COG6: variants seen among roughly 807,000 people sequenced by gnomAD.
COG6 encodes the protein component of oligomeric golgi complex 6.
A neutral mutation model predicts 88.8 loss-of-function variants in COG6; 74 were observed. The ratio of observed to expected loss-of-function variants is 0.83; its 90% CI spans 0.69 to 1.01. The LOEUF (loss-of-function observed/expected upper bound fraction) is 1.01. Ranked by LOEUF, COG6 falls within the 50% of genes least tolerant of loss-of-function variation. COG6 has a pLI of 0.00. For missense variants in COG6, 800 were observed against 797.9 expected (o/e 1.00, Z -0.03); for synonymous variants, 286 against 278.7 (o/e 1.03, Z -0.26).
chr13:39,790,179 A>G (rs1881898782), exon 19 of COG6: 2 of 152,218 alleles, frequency 1.3e-5, no homozygotes, highest in South Asian at 4.1e-4. Flanking sequence ...CTGGGTTTGA[A>G]GTTTATCTCC....
chr13:39,771,327 T>G (rs572977876), intron 18 of COG6, among the ~76,000 whole-genome samples: 66 of 152,342 alleles, frequency 4.3e-4, no homozygotes, highest in African/African-American at 1.6e-3. Flanking sequence ...CAAGCACTTC[T>G]TCGTCCATCG....
intron 11 of COG6, among the ~76,000 whole-genome samples, chr13:39,692,899 A>T (rs188215231): frequency 6.6e-6 from 1 of 152,112 alleles, no homozygotes; most frequent in East Asian, 1.9e-4. Flanking sequence ...GCTGCTTTCC[A>T]GCTCTGCTAA....
chr13:39,745,685 C>T (rs1324892813), intron 18 of COG6, among the ~76,000 whole-genome samples: 2 of 152,100 alleles, frequency 1.3e-5, no homozygotes, highest in African/African-American at 4.8e-5. Context: ...TGTGGCAAAT[C>T]CTCAAGGATC....
chr13:39,761,746 G>A (rs1438208140), intron 18 of COG6, among the ~76,000 whole-genome samples: 2 of 150,012 alleles, frequency 1.3e-5, no homozygotes, highest in Admixed American at 1.3e-4. Flanking sequence ...AAAACCAGAC[G>A]CAAGTGGCCA....
At chr13:39,720,458 G>A (rs1313719332) in intron 15 of COG6, among the ~76,000 whole-genome samples, 31 of 152,006 alleles carry the variant, frequency 2.0e-4, no homozygotes, top group Non-Finnish European at 4.6e-4. Flanking sequence ...AACTCTGAAT[G>A]TTCTGTGCTA....
At chr13:39,787,333 G>A (rs1243755031) in intron 18 of COG6, among the ~76,000 whole-genome samples, 1 of 152,118 alleles carries the variant, frequency 6.6e-6, no homozygotes, top group Non-Finnish European at 1.5e-5. Context: ...ACATTTAACT[G>A]CATGCTTTAG....
intron 18 of COG6, among the ~76,000 whole-genome samples, chr13:39,768,692 G>A (rs1020672393): frequency 6.6e-6 from 1 of 151,966 alleles, no homozygotes; most frequent in Admixed American, 6.6e-5. Context: ...TCATAAGAAA[G>A]TTGTAATTAC....
chr13:39,731,947 G>C (rs1278737369), intron 18 of COG6, among the ~76,000 whole-genome samples: 1 of 152,238 alleles, frequency 6.6e-6, no homozygotes, highest in East Asian at 1.9e-4. Flanking sequence ...TGGAGAACCT[G>C]GAATTCTTAT....
chr13:39,667,791 A>G (rs1407113216), intron 4 of COG6, among the ~76,000 whole-genome samples: 1 of 152,152 alleles, frequency 6.6e-6, no homozygotes, highest in Non-Finnish European at 1.5e-5. Context: ...TGTAGGGTTG[A>G]AAAAAACAGA....
intron 5 of COG6, 33 bp from the exon 6 acceptor site, chr13:39,679,505 C>A (rs765802190): frequency 3.9e-5 from 48 of 1,216,382 alleles, no homozygotes; most frequent in Non-Finnish European, 5.6e-5. Context: ...TTGCCTGAAG[C>A]ATGGACATAA....
chr13:39,762,222 T>G (rs1881037793), intron 18 of COG6, among the ~76,000 whole-genome samples: 1 of 151,926 alleles, frequency 6.6e-6, no homozygotes, highest in African/African-American at 2.4e-5. Flanking sequence ...CCAACATGGA[T>G]AACTTGGAGG....
At chr13:39,712,894 A>G (rs1878318743) in intron 13 of COG6, among the ~76,000 whole-genome samples, 1 of 152,230 alleles carries the variant, frequency 6.6e-6, no homozygotes, top group African/African-American at 2.4e-5. Context: ...GTCAGGTTAC[A>G]ACTCTAGTTA....
At chr13:39,682,502 T>A in intron 8 of COG6, 1 of 428,970 alleles carries the variant, frequency 2.3e-6, no homozygotes, top group Non-Finnish European at 4.2e-6. Flanking sequence ...CTAGACTACC[T>A]CTTACTTATA....
chr13:39,703,233 A>C lies in COG6; in HGVS notation c.1284+3615A>C, dbSNP rs111692904. On this transcript the variant is annotated intron_variant, in intron 13 of 18. Coordinates refer to ENST00000455146, the MANE Select transcript of COG6 (RefSeq NM_020751.3). ...TCTACCATACTACCTCCTACTGAAAAAGTGCCAACTCTTGCTAAAACTGGA... is the reference window on the plus strand; with the variant it reads ...TCTACCATACTACCTCCTACTGAAACAGTGCCAACTCTTGCTAAAACTGGA... 8.6e-3 allele frequency among the ~76,000 whole-genome samples: 1,307 copies of C among 152,142 alleles called. 23 individuals carry two copies. Among genetic ancestry groups the C allele is most frequent in the African/African-American group, 0.03 (1,239 of 41,498 alleles).
At chr13:39,700,272 C>CTCTT (rs1402307537) in intron 13 of COG6, among the ~76,000 whole-genome samples, 2 of 151,886 alleles carry the variant, frequency 1.3e-5, no homozygotes, top group South Asian at 4.1e-4. Flanking sequence ...AATTGTACTA[C>CTCTT]TCTATCTAAT....
intron 18 of COG6, among the ~76,000 whole-genome samples, chr13:39,762,133 G>A (rs1006199755): frequency 2.0e-5 from 3 of 151,820 alleles, no homozygotes; most frequent in Non-Finnish European, 4.4e-5. Context: ...TAACAGATGA[G>A]TAGATAAAGA....
In COG6 at chr13:39,727,627, T is replaced by A. The variant is rs1448442715; in HGVS notation, c.1826+79T>A. The stretch of plus-strand genomic sequence containing the variant: ...CAAGTACATTTTTTTGGAAAAAAAT[T>A]TATTTTCAAGAATAAATGATTTACC... On this transcript the variant is annotated intron_variant, in intron 18 of 18. Transcript: ENST00000455146. 12 of 1,027,744 alleles carry A rather than the reference T, an allele frequency of 1.2e-5. No individual in the cohort carries two copies. The East Asian group carries it at 2.4e-4, about 21-fold the overall frequency. The allele number at this position is 1,027,744 out of a possible 1,614,324, so 63.7% of individuals were successfully genotyped here.
intron 13 of COG6, among the ~76,000 whole-genome samples, chr13:39,716,420 G>T (rs1252897598): frequency 6.6e-6 from 1 of 151,960 alleles, no homozygotes; most frequent in Non-Finnish European, 1.5e-5. Context: ...CATATAGTTG[G>T]TACATGGTGT....
chr13:39,789,935 T>C (rs1378830163), exon 19 of COG6: 3 of 152,174 alleles, frequency 2.0e-5, no homozygotes, highest in African/African-American at 7.2e-5. Flanking sequence ...ACATACCTGA[T>C]CTTTATTTTA....
Sources: gnomAD v4.1 joint callset for allele counts (sites outside exome capture counted in the v4.1 genomes callset) on GRCh38, gnomAD v4.1.1 for gene constraint, MANE v1.5 for transcripts, NCBI Gene and HGNC (gene_info 2026-07-23, HGNC 2026-07-21) for gene names.